The following FSHR variants were observed in gnomAD, a reference collection of about 807,000 sequenced individuals.
FSHR encodes follicle-stimulating hormone receptor.
FSHR carries 46 observed loss-of-function variants against 52.1 expected under a neutral mutation model. That is an observed-to-expected ratio of 0.88 (90% CI 0.70 to 1.13). The LOEUF is 1.13. FSHR is among the 50% of genes most tolerant of loss of function. The probability of loss-of-function intolerance (pLI) is 0.00; values close to 1 mark genes in which losing one functional copy is unlikely to be tolerated. For missense variants in FSHR, 964 were observed against 834.6 expected (o/e 1.16, Z -1.91); for synonymous variants, 399 against 309.6 (o/e 1.29, Z -3.03).
intron 1 of FSHR, among the ~76,000 whole-genome samples, chr2:49,147,334 G>A (rs914199580): frequency 6.6e-6 from 1 of 151,982 alleles, no homozygotes; most frequent in Non-Finnish European, 1.5e-5. Context: ...CTAAATCTAA[G>A]CGCCTAAAGA....
intron 2 of FSHR, among the ~76,000 whole-genome samples, chr2:49,026,277 A>C (rs1400709612): frequency 6.6e-6 from 1 of 152,256 alleles, no homozygotes; most frequent in African/African-American, 2.4e-5. Flanking sequence ...AACCTTAAGT[A>C]ATCTAAAATT....
chr2:49,014,710 G>A (rs6708637), intron 4 of FSHR: 127,411 of 224,820 alleles, frequency 0.57, 36,842 homozygotes, highest in Middle Eastern at 0.65. Flanking sequence ...TTTCCAATCC[G>A]CATTTTCAGA....
At chr2:48,969,217 T>C (rs1460185769) in intron 8 of FSHR, among the ~76,000 whole-genome samples, 1 of 152,220 alleles carries the variant, frequency 6.6e-6, no homozygotes, top group Non-Finnish European at 1.5e-5. Flanking sequence ...TTGTACCTGC[T>C]AATTTGCATG....
chr2:49,051,698 G>GT (rs1277706923), intron 2 of FSHR, among the ~76,000 whole-genome samples: 1 of 151,868 alleles, frequency 6.6e-6, no homozygotes, highest in Non-Finnish European at 1.5e-5. Flanking sequence ...AAAAGCAGAA[G>GT]TTTTTTCTTT....
chr2:49,089,250 C>A (rs1166477258), intron 1 of FSHR, among the ~76,000 whole-genome samples: 1 of 152,086 alleles, frequency 6.6e-6, no homozygotes, highest in East Asian at 1.9e-4. Context: ...AATTTAATTT[C>A]CTCTGTAGGG....
chr2:49,126,539 T>C lies in FSHR; in HGVS notation c.152+27727A>G, dbSNP rs1304813085. On this transcript the variant is annotated intron_variant, in intron 1 of 9. Transcript: ENST00000406846. ...AACTTTGGGGGACATATTCAAGTAA[T>C]AGCAAGAGAAGAGTAAACTAGACAT... 3.9e-5 allele frequency among the ~76,000 whole-genome samples: 6 copies of C among 152,160 alleles called. No homozygotes were observed. The South Asian group carries it at 8.3e-4, about 21-fold the overall frequency.
chr2:49,016,450 G>C (rs543811388), intron 4 of FSHR, among the ~76,000 whole-genome samples: 19 of 152,120 alleles, frequency 1.2e-4, no homozygotes, highest in Non-Finnish European at 2.6e-4. Context: ...GTCTTCAGCT[G>C]TCTCTCTTAG....
intron 9 of FSHR, among the ~76,000 whole-genome samples, chr2:48,964,473 C>A (rs1674381049): frequency 6.6e-6 from 1 of 152,252 alleles, no homozygotes; most frequent in African/African-American, 2.4e-5. Flanking sequence ...CCCAGCCAGC[C>A]CCTATTCCCT....
chr2:49,150,435 C>T (rs1673021565), intron 1 of FSHR, among the ~76,000 whole-genome samples: 1 of 151,982 alleles, frequency 6.6e-6, no homozygotes, highest in Non-Finnish European at 1.5e-5. Context: ...TAATTTTTGC[C>T]TAATATTTTA....
intron 4 of FSHR, among the ~76,000 whole-genome samples, chr2:49,012,937 A>G (rs1667324619): frequency 6.6e-6 from 1 of 152,220 alleles, no homozygotes; most frequent in South Asian, 2.1e-4. Context: ...CTGTAACTGT[A>G]TTTGGAAATA....
intron 1 of FSHR, among the ~76,000 whole-genome samples, chr2:49,140,163 T>C (rs1038318929): frequency 6.6e-6 from 1 of 152,070 alleles, no homozygotes; most frequent in Non-Finnish European, 1.5e-5. Context: ...TAATCCCCAA[T>C]TTTGGAGCTA....
rs562930029 is a variant in FSHR at position 49,130,737 on chromosome 2, T to C, written c.152+23529A>G. ...CTCCTTTAAACAATCTTTAGGAAAA[T>C]GACATTCACCCAGTTGCTCTGAAAT... On this transcript the variant is annotated intron_variant, in intron 1 of 9. Transcript: ENST00000406846. Among the ~76,000 whole-genome samples the C allele has an allele frequency of 6.3e-4, 96 of 152,286 alleles. 1 individual carries two copies. The South Asian group carries it at 0.02, about 31-fold the overall frequency.
chr2:49,092,021 A>G (rs1670631012), intron 1 of FSHR, among the ~76,000 whole-genome samples: 1 of 152,188 alleles, frequency 6.6e-6, no homozygotes. Flanking sequence ...ATGGCTTTCC[A>G]TTAATTAGGT....
At chr2:49,137,264 A>G (rs1427811853) in intron 1 of FSHR, among the ~76,000 whole-genome samples, 1 of 152,134 alleles carries the variant, frequency 6.6e-6, no homozygotes, top group Non-Finnish European at 1.5e-5. Context: ...AGTATTATAA[A>G]AAATGAACTT....
chr2:49,069,836 C>T (rs951093895), intron 1 of FSHR, among the ~76,000 whole-genome samples: 2 of 152,098 alleles, frequency 1.3e-5, no homozygotes, highest in East Asian at 1.9e-4. Flanking sequence ...TTAACACGTC[C>T]TTTTACAAGG....
At chr2:49,064,907 G>A (rs1426131707) in intron 2 of FSHR, among the ~76,000 whole-genome samples, 1 of 152,094 alleles carries the variant, frequency 6.6e-6, no homozygotes, top group Non-Finnish European at 1.5e-5. Flanking sequence ...GTCCCTGAAT[G>A]GGAAGCAGGA....
intron 1 of FSHR, among the ~76,000 whole-genome samples, chr2:49,073,621 C>G (rs1558425277): frequency 6.6e-6 from 1 of 151,958 alleles, no homozygotes; most frequent in Non-Finnish European, 1.5e-5. Context: ...CTATACCACC[C>G]AAAGCAATCT....
intron 1 of FSHR, among the ~76,000 whole-genome samples, chr2:49,126,375 A>T (rs1671997862): frequency 6.6e-6 from 1 of 152,162 alleles, no homozygotes. Context: ...CTTTGATAAC[A>T]AACACCATTC....
chr2:49,070,152 AGTT>A, intron 1 of FSHR, among the ~76,000 whole-genome samples: 1 of 152,180 alleles, frequency 6.6e-6, no homozygotes, highest in Admixed American at 6.6e-5. Flanking sequence ...TGAGGGCTAT[AGTT>A]GTTGTAATAG....
Sources: gnomAD v4.1 joint callset for allele counts (sites outside exome capture counted in the v4.1 genomes callset) on GRCh38, gnomAD v4.1.1 for gene constraint, MANE v1.5 for transcripts, NCBI Gene and HGNC (gene_info 2026-07-23, HGNC 2026-07-21) for gene names.